SLC12A2: variants seen among roughly 807,000 people sequenced by gnomAD.
SLC12A2 encodes Na-K-2Cl cotransporter 1.
A neutral mutation model predicts 136.3 loss-of-function variants in SLC12A2; 67 were observed. The observed-to-expected ratio is 0.49, with a 90% CI of 0.40 to 0.60. SLC12A2 has a LOEUF of 0.60. Among genes scored for constraint, SLC12A2 ranks in the 20% least tolerant of loss-of-function variants. SLC12A2 has a pLI of 0.00. For missense variants in SLC12A2, 1,322 were observed against 1,534.7 expected (o/e 0.86, Z 2.32); for synonymous variants, 619 against 562.9 (o/e 1.10, Z -1.41).
In SLC12A2 at chr5:128,184,865, T is replaced by C. The variant is rs372996174; in HGVS notation, c.3503+9T>C. 5 of 1,570,686 alleles carry C rather than the reference T, an allele frequency of 3.2e-6. No individual in the cohort carries two copies. The highest frequency in any genetic ancestry group is 1.4e-5 in the African/African-American group (1 of 73,972). ...GCTAATATTATTGTCATGTAAGTAA[T>C]ATCTTTATAAAGATTTTCTTGCTAA... On this transcript the variant is annotated intron_variant, in intron 26 of 26. Coordinates refer to ENST00000262461, the MANE Select transcript of SLC12A2 (RefSeq NM_001046.3).
At chr5:128,152,896 A>G (rs576057431) in intron 15 of SLC12A2, 91 bp downstream of exon 15, 3 of 813,878 alleles carry the variant, frequency 3.7e-6, no homozygotes, top group Non-Finnish European at 6.5e-6. Flanking sequence ...TACATTTCAC[A>G]TTTTTAATCG....
chr5:128,094,844 A>G (rs898484173), intron 1 of SLC12A2, among the ~76,000 whole-genome samples: 9 of 152,126 alleles, frequency 5.9e-5, no homozygotes, highest in African/African-American at 2.2e-4. Flanking sequence ...TTAAATTAAC[A>G]TTGTGTTAAA....
intron 1 of SLC12A2, among the ~76,000 whole-genome samples, chr5:128,100,113 G>A (rs1445396102): frequency 2.0e-5 from 3 of 152,092 alleles, no homozygotes; most frequent in African/African-American, 7.2e-5. Context: ...CATGAGAAAT[G>A]CATCGCACTG....
intron 18 of SLC12A2, chr5:128,169,761 GA>G (rs1437721976): frequency 6.6e-6 from 1 of 152,032 alleles, no homozygotes; most frequent in Non-Finnish European, 1.5e-5. Context: ...CTAAAAAATA[GA>G]AAAAGTGACA....
Position 128,083,962 on chromosome 5 carries a change from C to A in SLC12A2, c.8C>A (p.Pro3Gln). The change falls in exon 1 of 27, where the codon CCG (proline) becomes CAG (glutamine). Residue 3 changes from proline to glutamine, a missense_variant. Pro to Gln is a moderately conservative substitution (Grantham distance 76, BLOSUM62 -1). Around this residue, in one of 8 missense-constraint regions of SLC12A2, gnomAD observed 358 missense variants for 299.7 expected, o/e 1.19. Coordinates refer to ENST00000262461, the MANE Select transcript of SLC12A2 (RefSeq NM_001046.3). Reference protein sequence around the residue: MEPRPTAPSSGAP... With the variant: MEQRPTAPSSGAP... ...GCCGGGGGTCGGGCAGCTATGGAGC[C>A]GCGGCCCACGGCGCCCTCCTCCGGC... The A allele has an allele frequency of 1.6e-6, 2 of 1,236,856 alleles. No individual in the cohort carries two copies. The highest frequency in any genetic ancestry group is 2.0e-6 in the Non-Finnish European group (2 of 989,992). The allele number at this position is 1,236,856 out of a possible 1,614,324, so 76.6% of individuals were successfully genotyped here.
chr5:128,101,772 T>C lies in SLC12A2; in HGVS notation c.757-11042T>C, dbSNP rs1760747781. Among the ~76,000 whole-genome samples, 9 of 152,198 alleles carry C rather than the reference T, an allele frequency of 5.9e-5. No homozygotes were observed. The South Asian group carries it at 1.9e-3, about 31-fold the overall frequency. On this transcript the variant is annotated intron_variant, in intron 1 of 26. Coordinates refer to ENST00000262461, the MANE Select transcript of SLC12A2 (RefSeq NM_001046.3). Reference sequence around the variant, plus strand: ...AGGAAAGAGTTTATCATTTATTAAATTTTTAGTGTCAGAGAAGTTGTGAAA... The same window carrying C: ...AGGAAAGAGTTTATCATTTATTAAACTTTTAGTGTCAGAGAAGTTGTGAAA...
In SLC12A2 at chr5:128,152,786, G is replaced by A. The variant is rs553679876; in HGVS notation, c.2344G>A (p.Asp782Asn). Residue 782 changes from aspartate to asparagine, a missense_variant, in exon 15 of 27, where the codon GAC becomes AAC. By Grantham distance (23) the Asp-to-Asn change is conservative (BLOSUM62 1). This residue lies in a region of SLC12A2 where 294 missense variants were observed against 436.6 expected (regional missense o/e 0.67). Transcript: ENST00000262461. Reference sequence around the variant, plus strand: ...TTCAATTCGTCTTTCTGGAGTGGAAGACCACGTGAAAAACTTTAGGTAAGT... The same window carrying A: ...TTCAATTCGTCTTTCTGGAGTGGAAAACCACGTGAAAAACTTTAGGTAAGT... Reference protein sequence around the residue: ...QHSIRLSGVEDHVKNFRPQCL... With the variant: ...QHSIRLSGVENHVKNFRPQCL... 24 of 1,612,250 alleles carry A rather than the reference G, an allele frequency of 1.5e-5. No homozygotes were observed. The highest frequency in any genetic ancestry group is 2.0e-5 in the Non-Finnish European group (24 of 1,178,460).
intron 1 of SLC12A2, among the ~76,000 whole-genome samples, chr5:128,092,149 G>A (rs189586871): frequency 6.6e-6 from 1 of 152,046 alleles, no homozygotes; most frequent in East Asian, 1.9e-4. Flanking sequence ...ATTCTAAATA[G>A]GTATTACTCT....
Position 128,083,793 on chromosome 5 carries a change from T to C in SLC12A2, c.-162T>C, listed in dbSNP as rs1581036559. The C allele has an allele frequency of 1.1e-5, 5 of 456,194 alleles. No homozygotes were observed. Among genetic ancestry groups the C allele is most frequent in the African/African-American group, 6.1e-5 (3 of 49,016 alleles). 28.3% of individuals were successfully genotyped at this position (456,194 alleles called of 1,614,324 possible). On this transcript the variant is annotated 5_prime_UTR_variant, in exon 1 of 27. Coordinates refer to ENST00000262461, the MANE Select transcript of SLC12A2 (RefSeq NM_001046.3). ...ACTCGCGCGCTCGCTCGGCTGCCGG[T>C]GGCCTCTGTGGCCGTCCAGGCTAGC...
At chr5:128,120,859 TAATA>T (rs1352032542) in intron 4 of SLC12A2, among the ~76,000 whole-genome samples, 1 of 151,956 alleles carries the variant, frequency 6.6e-6, no homozygotes, top group Admixed American at 6.6e-5. Context: ...TAAAGTATAA[TAATA>T]ATAATAAATA....
chr5:128,093,068 C>A (rs563624972), intron 1 of SLC12A2, among the ~76,000 whole-genome samples: 6 of 152,236 alleles, frequency 3.9e-5, no homozygotes, highest in African/African-American at 1.4e-4. Context: ...TTCTATTTTG[C>A]ATAAATAGTT....
chr5:128,089,404 A>C (rs1760225366), intron 1 of SLC12A2, among the ~76,000 whole-genome samples: 1 of 152,126 alleles, frequency 6.6e-6, no homozygotes, highest in African/African-American at 2.4e-5. Context: ...GTCTAAAAAA[A>C]AATAGTAGTA....
chr5:128,174,740 A>G, intron 20 of SLC12A2, 74 bp downstream of exon 20: 5 of 1,157,310 alleles, frequency 4.3e-6, no homozygotes, highest in Non-Finnish European at 5.9e-6. Context: ...TAATTATATA[A>G]TATGTCTTAT....
chr5:128,154,882 T>G (rs576051742), intron 15 of SLC12A2, among the ~76,000 whole-genome samples: 8 of 152,218 alleles, frequency 5.3e-5, no homozygotes, highest in Admixed American at 2.6e-4. Flanking sequence ...AAGATTCATT[T>G]TCTTACTGTA....
chr5:128,169,685 A>G (rs867469683), intron 18 of SLC12A2: 53 of 152,314 alleles, frequency 3.5e-4, no homozygotes, highest in African/African-American at 9.9e-4. Flanking sequence ...AATGTGGTCC[A>G]TGAGCCATGA....
At chr5:128,120,193 A>G (rs1761502592) in intron 4 of SLC12A2, among the ~76,000 whole-genome samples, 1 of 152,098 alleles carries the variant, frequency 6.6e-6, no homozygotes, top group African/African-American at 2.4e-5. Context: ...GGCAATCATT[A>G]AAAAGTCAGG....
chr5:128,141,886 C>T lies in SLC12A2; in HGVS notation c.1678C>T (p.Leu560=), dbSNP rs1199763502. The change falls in exon 10 of 27, where the codon CTA becomes TTA. Residue 560 remains leucine, a synonymous_variant. Coordinates refer to ENST00000262461, the MANE Select transcript of SLC12A2 (RefSeq NM_001046.3). ...CGTTAATGACACTATCGTAACAGAG[C>T]TAACAAACTGTACTTCTGCAGCCTG... The part of the protein sequence containing the change: ...GNVNDTIVTE[L]TNCTSAACKL... 1.2e-6 allele frequency: 2 copies of T among 1,613,818 alleles called. No individual in the cohort carries two copies. The highest frequency in any genetic ancestry group is 4.5e-5 in the East Asian group (2 of 44,866).
In SLC12A2 at chr5:128,150,856, A is replaced by T. The variant is rs531060066; in HGVS notation, c.2108-385A>T. On this transcript the variant is annotated intron_variant, in intron 13 of 26. Transcript: ENST00000262461. ...TTTATATATTCATTAGACTATGGAT[A>T]TGGGTCATCCTAGAACCAGAAAATA... Among the ~76,000 whole-genome samples the T allele has an allele frequency of 9.2e-5, 14 of 152,020 alleles. 1 individual carries two copies. In the South Asian group the frequency reaches 2.9e-3, roughly 32 times the overall value.
intron 19 of SLC12A2, among the ~76,000 whole-genome samples, chr5:128,173,949 G>T (rs181704343): frequency 6.6e-6 from 1 of 152,230 alleles, no homozygotes; most frequent in East Asian, 1.9e-4. Flanking sequence ...TCCATTTGGT[G>T]GTCTTGGTTT....
Sources: gnomAD v4.1 joint callset for allele counts (sites outside exome capture counted in the v4.1 genomes callset) on GRCh38, gnomAD v4.1.1 for gene constraint, gnomAD v4.1.1 regional missense constraint, MANE v1.5 for transcripts, NCBI Gene and HGNC (gene_info 2026-07-23, HGNC 2026-07-21) for gene names.